The following PSMC1 variants were observed in gnomAD, a reference collection of about 807,000 sequenced individuals.
PSMC1 encodes proteasome 26S subunit, ATPase 1.
In PSMC1, 5 loss-of-function variants were observed where a neutral mutation model predicts 49.8. The ratio of observed to expected loss-of-function variants is 0.10; its 90% CI spans 0.05 to 0.21. The LOEUF (loss-of-function observed/expected upper bound fraction) is 0.21. Among genes scored for constraint, PSMC1 ranks in the 10% least tolerant of loss-of-function variants. The pLI, the probability that PSMC1 is intolerant of heterozygous loss-of-function variation, is 1.00. For missense variants in PSMC1, 181 were observed against 535.7 expected (o/e 0.34, Z 6.54); for synonymous variants, 155 against 192.1 (o/e 0.81, Z 1.60).
chr14:90,269,112 A>G, intron 8 of PSMC1: 1 of 298,516 alleles, frequency 3.3e-6, no homozygotes, highest in South Asian at 8.5e-5. Context: ...GAAGGAACTC[A>G]TGCTGTATAA....
chr14:90,259,738 C>T (rs931093211), intron 2 of PSMC1, among the ~76,000 whole-genome samples: 8 of 152,286 alleles, frequency 5.3e-5, no homozygotes, highest in South Asian at 2.1e-4. Flanking sequence ...TCTCCTGTCT[C>T]AGCCTCCCGA....
chr14:90,272,203 G>A lies in PSMC1; in HGVS notation c.1189-70G>A. On this transcript the variant is annotated intron_variant, in intron 10 of 10. Coordinates refer to ENST00000261303, the MANE Select transcript of PSMC1 (RefSeq NM_002802.3). The surrounding 1 kb of genome is among the most constrained non-coding windows in gnomAD (Gnocchi z 4.5). Reference sequence around the variant, plus strand: ...GCCACCGCGCCTGGCCTCAGAATAGGTTTTTTGGAATTCCTTGTTAGAATA... The same window carrying A: ...GCCACCGCGCCTGGCCTCAGAATAGATTTTTTGGAATTCCTTGTTAGAATA... 1.3e-6 allele frequency: 2 copies of A among 1,572,512 alleles called. No homozygotes were observed. Among genetic ancestry groups the A allele is most frequent in the Non-Finnish European group, 1.7e-6 (2 of 1,161,336 alleles).
chr14:90,274,988 ACAT>A lies in PSMC1; in HGVS notation c.*2587_*2589del, dbSNP rs201350916. On this transcript the variant is annotated 3_prime_UTR_variant, in exon 11 of 11. Coordinates refer to ENST00000261303, the MANE Select transcript of PSMC1 (RefSeq NM_002802.3). ...CCGTCTTCACCAAGTGGTCAAATGCACATCATCAGTAATGGGCACTTTGAAAGT... is the reference window on the plus strand; with the variant it reads ...CCGTCTTCACCAAGTGGTCAAATGCACATCAGTAATGGGCACTTTGAAAGT... The A allele has an allele frequency of 2.1e-4, 32 of 152,406 alleles. No homozygotes were observed. The East Asian group carries it at 6.0e-3, about 28-fold the overall frequency. The allele number at this position is 152,406 out of a possible 1,614,324, so 9.4% of individuals were successfully genotyped here. A position where few individuals can be genotyped will look rare whatever the true frequency, so the allele number is the denominator to read the frequency against.
At position 90,270,365 on chromosome 14, in the gene PSMC1, C is replaced by A; in HGVS notation, c.1188+13C>A. 6.2e-7 allele frequency: 1 copy of A among 1,608,006 alleles called. No homozygotes were observed. On this transcript the variant is annotated intron_variant, in intron 10 of 10. Coordinates refer to ENST00000261303, the MANE Select transcript of PSMC1 (RefSeq NM_002802.3). ...TGCTGACATCAAGGTGAGAGCCTAGCCGTGTCAGCTTATTTCTGGGAATGT... is the reference window on the plus strand; with the variant it reads ...TGCTGACATCAAGGTGAGAGCCTAGACGTGTCAGCTTATTTCTGGGAATGT...
In PSMC1 at chr14:90,260,149, C is replaced by G. The variant is rs772990131; in HGVS notation, c.92C>G (p.Thr31Ser). Residue 31 changes from threonine (T) to serine (S), a missense_variant, in exon 3 of 11, where the codon ACT (threonine) becomes AGT (serine). Physicochemically the swap from Thr to Ser is moderately conservative, Grantham distance 58 (BLOSUM62 1). Coordinates refer to ENST00000261303, the MANE Select transcript of PSMC1 (RefSeq NM_002802.3). The part of the protein sequence containing the change: ...KKKKYEPPVP[T>S]RVGKKKKKTK... ...AAGAAATATGAACCTCCTGTACCAA[C>G]TAGAGTGGGGAAAAAGAAGAAGAAA... 6.2e-7 allele frequency: 1 copy of G among 1,610,524 alleles called. No homozygotes were observed. The highest frequency in any genetic ancestry group is 8.5e-7 in the Non-Finnish European group (1 of 1,179,106).
rs774058927 is a variant in PSMC1, at chr14:90,259,183, T to C, written c.27T>C (p.His9=). MGQSQSGG[H]GPGGGKKDDK... is the part of the protein sequence containing the mutation. ...AGGGTCAAAGTCAGAGTGGTGGTCA[T>C]GGTCCTGGAGGTGGCAAGAAGGATG... is the stretch of plus-strand genomic sequence containing the variant. Residue 9 remains histidine, a synonymous_variant, in exon 2 of 11, where the codon CAT becomes CAC. Coordinates refer to ENST00000261303, the MANE Select transcript of PSMC1 (RefSeq NM_002802.3). 19 of 1,613,836 alleles carry C rather than the reference T, an allele frequency of 1.2e-5. No individual in the cohort carries two copies. The East Asian group carries it at 3.8e-4, about 32-fold the overall frequency.
chr14:90,272,145 C>T lies in PSMC1; in HGVS notation c.1189-128C>T, dbSNP rs959206097. 5 of 986,566 alleles carry T rather than the reference C, an allele frequency of 5.1e-6. No homozygotes were observed. Among genetic ancestry groups the T allele is most frequent in the Non-Finnish European group, 5.9e-6 (4 of 678,064 alleles). The allele number at this position is 986,566 out of a possible 1,614,324, so 61.1% of individuals were successfully genotyped here. A position where few individuals can be genotyped will look rare whatever the true frequency, so the allele number is the denominator to read the frequency against. The stretch of plus-strand genomic sequence containing the variant: ...CTGACCTTAGGCGATCCACCTGCCT[C>T]GGCCTCCCAGAGTGCTGGGATTACA... On this transcript the variant is annotated intron_variant, in intron 10 of 10. Transcript: ENST00000261303. The surrounding 1 kb of genome is among the most constrained non-coding windows in gnomAD (Gnocchi z 4.5).
intron 7 of PSMC1, among the ~76,000 whole-genome samples, chr14:90,266,210 G>T (rs943989): frequency 0.32 from 48,323 of 151,366 alleles, 9,000 homozygotes; most frequent in East Asian, 0.51. Flanking sequence ...AGCTGAGATC[G>T]TGCCACTGCA....
chr14:90,271,723 C>T (rs1891668877), intron 10 of PSMC1: 1 of 152,140 alleles, frequency 6.6e-6, no homozygotes, highest in Non-Finnish European at 1.5e-5. Flanking sequence ...AAACTAGAAC[C>T]CACAGCCCTG....
At chr14:90,265,894 C>G (rs1416219056) in intron 7 of PSMC1, among the ~76,000 whole-genome samples, 2 of 151,950 alleles carry the variant, frequency 1.3e-5, no homozygotes, top group Non-Finnish European at 2.9e-5. Context: ...CTGACCCTTC[C>G]TCAAAGATTT....
chr14:90,264,027 AT>A lies in PSMC1; in HGVS notation c.466-13del. 4 of 1,603,366 alleles carry A rather than the reference AT, an allele frequency of 2.5e-6. No homozygotes were observed. The highest frequency in any genetic ancestry group is 3.4e-6 in the Non-Finnish European group (4 of 1,175,994). ...CCTCACGTTCCTGTGTTAAACCTTG[AT>A]GTTTCCTGTTAGGTGCATGCCGTGA... On this transcript the variant is annotated splice_polypyrimidine_tract_variant and intron_variant, in intron 5 of 10. Transcript: ENST00000261303.
In PSMC1 at chr14:90,272,211, GA is replaced by G; in HGVS notation, c.1189-60del. On this transcript the variant is annotated intron_variant, in intron 10 of 10. Coordinates refer to ENST00000261303, the MANE Select transcript of PSMC1 (RefSeq NM_002802.3). This position sits in a 1 kb window ranked among gnomAD's most constrained non-coding sequence, Gnocchi z 4.5. The stretch of plus-strand genomic sequence containing the variant: ...GCCTGGCCTCAGAATAGGTTTTTTG[GA>G]ATTCCTTGTTAGAATAAAAATGAGT... 1 of 1,579,444 alleles carries G rather than the reference GA, an allele frequency of 6.3e-7. No homozygotes were observed. Among genetic ancestry groups the G allele is most frequent in the South Asian group, 1.2e-5 (1 of 85,550 alleles).
chr14:90,257,053 C>A lies in PSMC1; in HGVS notation c.3+453C>A, dbSNP rs1391403097. ...GAGTTGAGCGCGGAGTCGTGGAAGG[C>A]CTTTCGGAGCTGGGGGCATTTGAAG... On this transcript the variant is annotated intron_variant, in intron 1 of 10. Transcript: ENST00000261303. Among the ~76,000 whole-genome samples the A allele has an allele frequency of 3.9e-5, 6 of 152,098 alleles. No homozygotes were observed. The South Asian group carries it at 1.2e-3, about 32-fold the overall frequency.
intron 1 of PSMC1, among the ~76,000 whole-genome samples, chr14:90,257,821 A>T (rs1446568626): frequency 2.0e-5 from 3 of 152,154 alleles, no homozygotes; most frequent in African/African-American, 7.2e-5. Context: ...TGAACTCCTG[A>T]CCTTATGATC....
chr14:90,261,079 T>C (rs1891388632), intron 3 of PSMC1, among the ~76,000 whole-genome samples: 1 of 152,178 alleles, frequency 6.6e-6, no homozygotes, highest in South Asian at 2.1e-4. Context: ...TCATACCAAG[T>C]GACCTGACCC....
chr14:90,268,330 C>G lies in PSMC1; in HGVS notation c.798C>G (p.Leu266=). ...AGTACCTAGGTGATGGGCCCAAACT[C>G]GTACGGGAATTGTTCCGAGTTGCTG... The part of the protein sequence containing the change: ...IQKYLGDGPK[L]VRELFRVAEE... Residue 266 remains leucine (L), a synonymous_variant, in exon 8 of 11, where the codon CTC becomes CTG. Coordinates refer to ENST00000261303, the MANE Select transcript of PSMC1 (RefSeq NM_002802.3). 6.2e-7 allele frequency: 1 copy of G among 1,613,426 alleles called. No homozygotes were observed. The highest frequency in any genetic ancestry group is 8.5e-7 in the Non-Finnish European group (1 of 1,179,412).
intron 1 of PSMC1, among the ~76,000 whole-genome samples, chr14:90,256,895 C>T (rs1336059455): frequency 1.3e-5 from 2 of 152,170 alleles, no homozygotes; most frequent in Non-Finnish European, 2.9e-5. Context: ...GGCTTTGCTG[C>T]TCCGCCGACC....
intron 9 of PSMC1, chr14:90,269,996 T>G: frequency 1.8e-6 from 1 of 566,152 alleles, no homozygotes; most frequent in South Asian, 2.9e-5. Context: ...GCAGAGAGAG[T>G]TTCTTTTAAA....
chr14:90,261,595 A>G (rs1891399004), intron 3 of PSMC1, among the ~76,000 whole-genome samples: 1 of 152,224 alleles, frequency 6.6e-6, no homozygotes, highest in Non-Finnish European at 1.5e-5. Flanking sequence ...CTACAATGAG[A>G]TACCATCTCA....
Sources: allele counts gnomAD v4.1 joint callset (sites outside exome capture counted in the v4.1 genomes callset), GRCh38; gene constraint gnomAD v4.1.1; non-coding constraint Gnocchi (gnomAD v3.1); transcripts MANE v1.5; gene names NCBI Gene and HGNC (gene_info 2026-07-23, HGNC 2026-07-21).